The following IFT52 variants were observed in gnomAD, a reference collection of about 807,000 sequenced individuals.
IFT52 encodes intraflagellar transport 52, also known as intraflagellar transport protein 52 homolog.
In IFT52, 44 loss-of-function variants were observed where a neutral mutation model predicts 54.4. That is an observed-to-expected ratio of 0.81 (90% CI 0.63 to 1.04). The LOEUF (loss-of-function observed/expected upper bound fraction) is 1.04, where lower values mean the gene tolerates loss of function less well. Among genes scored for constraint, IFT52 ranks in the 50% least tolerant of loss-of-function variants. IFT52 has a pLI of 0.00. For synonymous variants in IFT52, 181 were observed against 185.3 expected (o/e 0.98, Z 0.19); for missense variants, 452 against 523.6 (o/e 0.86, Z 1.33).
chr20:43,592,363 T>G (rs1334838843), intron 1 of IFT52, among the ~76,000 whole-genome samples: 1 of 151,652 alleles, frequency 6.6e-6, no homozygotes, highest in Admixed American at 6.6e-5. Flanking sequence ...ATGAAGCCCA[T>G]TTTGAGCACC....
chr20:43,631,329 T>C (rs889250502), intron 10 of IFT52, among the ~76,000 whole-genome samples: 11 of 152,314 alleles, frequency 7.2e-5, no homozygotes, highest in African/African-American at 2.6e-4. Flanking sequence ...GTTATTTCTC[T>C]TCCCTCTGTG....
At chr20:43,593,884 A>G (rs1981722692) in intron 1 of IFT52, among the ~76,000 whole-genome samples, 1 of 152,198 alleles carries the variant, frequency 6.6e-6, no homozygotes. Context: ...GTTTAAAAGA[A>G]TATGGTAGAT....
At chr20:43,596,553 G>A in intron 3 of IFT52, 31 bp downstream of exon 3, 1 of 1,406,248 alleles carries the variant, frequency 7.1e-7, no homozygotes, top group Non-Finnish European at 1.0e-6. Context: ...AAGGAATATG[G>A]TGAAATGATT....
Position 43,624,681 on chromosome 20 carries a change from A to G in IFT52, c.923+636A>G, listed in dbSNP as rs146411432. Among the ~76,000 whole-genome samples the G allele has an allele frequency of 5.9e-3, 900 of 152,274 alleles. 5 individuals are homozygous for G. Among genetic ancestry groups the G allele is most frequent in the South Asian group, 0.011 (55 of 4,828 alleles). Reference sequence around the variant, plus strand: ...AGAGGGCCAAAGACAGAAGCTGGGGAAAAGCAGTTAAAAGTACAGGACAGC... The same window carrying G: ...AGAGGGCCAAAGACAGAAGCTGGGGGAAAGCAGTTAAAAGTACAGGACAGC... On this transcript the variant is annotated intron_variant, in intron 10 of 13. Coordinates refer to ENST00000373030, the MANE Select transcript of IFT52 (RefSeq NM_016004.5).
intron 1 of IFT52, among the ~76,000 whole-genome samples, chr20:43,594,345 G>A (rs149057935): frequency 2.8e-4 from 42 of 152,090 alleles, no homozygotes; most frequent in African/African-American, 6.5e-4. Flanking sequence ...ACTATACCCT[G>A]CGCTTAACAG....
chr20:43,613,256 ATAT>A (rs1314946247), intron 6 of IFT52, among the ~76,000 whole-genome samples: 1 of 152,186 alleles, frequency 6.6e-6, no homozygotes, highest in Non-Finnish European at 1.5e-5. Context: ...TACCAGTAAG[ATAT>A]TATTATGCAG....
intron 11 of IFT52, 49 bp downstream of exon 11, chr20:43,636,062 C>G (rs776073194): frequency 2.6e-6 from 4 of 1,555,454 alleles, no homozygotes; most frequent in Non-Finnish European, 3.5e-6. Flanking sequence ...CACTGTTGCC[C>G]TTATCTTGTC....
At chr20:43,600,170 G>A (rs1241703257) in intron 3 of IFT52, among the ~76,000 whole-genome samples, 1 of 152,162 alleles carries the variant, frequency 6.6e-6, no homozygotes, top group Admixed American at 6.6e-5. Flanking sequence ...TAATAAGTAT[G>A]TAGAACTCCG....
intron 3 of IFT52, among the ~76,000 whole-genome samples, chr20:43,596,891 C>T (rs1982010437): frequency 6.6e-6 from 1 of 151,364 alleles, no homozygotes; most frequent in African/African-American, 2.4e-5. Context: ...TACAGGTGCC[C>T]ACCACCACGC....
At chr20:43,626,672 C>A (rs1984745032) in intron 10 of IFT52, among the ~76,000 whole-genome samples, 1 of 151,822 alleles carries the variant, frequency 6.6e-6, no homozygotes, top group African/African-American at 2.4e-5. Flanking sequence ...GTTTAATTAG[C>A]ATTTTTTTTC....
At chr20:43,607,313 A>ACC (rs1360879329) in intron 6 of IFT52, among the ~76,000 whole-genome samples, 1 of 137,730 alleles carries the variant, frequency 7.3e-6, no homozygotes. Flanking sequence ...GCGGGGGCTG[A>ACC]CCCCCACCTC....
chr20:43,594,484 G>A (rs922456611), intron 1 of IFT52, among the ~76,000 whole-genome samples: 2 of 152,152 alleles, frequency 1.3e-5, no homozygotes, highest in African/African-American at 4.8e-5. Context: ...AAAGCGGGTA[G>A]GGGAGGGCTG....
At chr20:43,592,897 G>A (rs1208940033) in intron 1 of IFT52, among the ~76,000 whole-genome samples, 1 of 152,128 alleles carries the variant, frequency 6.6e-6, no homozygotes, top group Non-Finnish European at 1.5e-5. Context: ...ATCACTTGAG[G>A]TCAGGAGTTC....
At chr20:43,642,272 T>C (rs1985966788) in intron 12 of IFT52, 1 of 520,890 alleles carries the variant, frequency 1.9e-6, no homozygotes, top group Non-Finnish European at 3.4e-6. Context: ...TTATTCTGAT[T>C]AGGAGTGCTT....
At chr20:43,633,853 C>G (rs1985345197) in intron 10 of IFT52, among the ~76,000 whole-genome samples, 1 of 152,044 alleles carries the variant, frequency 6.6e-6, no homozygotes, top group Non-Finnish European at 1.5e-5. Context: ...GGACAAATCT[C>G]AATACCAGAA....
At chr20:43,627,931 T>TTTG in intron 10 of IFT52, among the ~76,000 whole-genome samples, 1 of 143,756 alleles carries the variant, frequency 7.0e-6, no homozygotes. Flanking sequence ...AGTTTTTTTT[T>TTTG]TTTTTTTTTT....
chr20:43,620,381 GT>G (rs1984198406), intron 8 of IFT52, among the ~76,000 whole-genome samples: 1 of 152,150 alleles, frequency 6.6e-6, no homozygotes, highest in South Asian at 2.1e-4. Context: ...CATTATGCTG[GT>G]CATGGCAGCT....
At chr20:43,625,217 A>G (rs967256960) in intron 10 of IFT52, among the ~76,000 whole-genome samples, 5 of 152,066 alleles carry the variant, frequency 3.3e-5, no homozygotes, top group East Asian at 1.9e-4. Context: ...TGCATTTTAA[A>G]TAGGGTGTTC....
intron 6 of IFT52, among the ~76,000 whole-genome samples, chr20:43,605,564 G>T (rs1982799257): frequency 1.3e-5 from 2 of 151,992 alleles, no homozygotes; most frequent in Admixed American, 1.3e-4. Flanking sequence ...ATATAGTATG[G>T]TATTTAGATT....
Sources: gnomAD v4.1 joint callset for allele counts (sites outside exome capture counted in the v4.1 genomes callset) on GRCh38, gnomAD v4.1.1 for gene constraint, MANE v1.5 for transcripts, NCBI Gene and HGNC (gene_info 2026-07-23, HGNC 2026-07-21) for gene names.